CDH4: variants seen among roughly 807,000 people sequenced by gnomAD.
CDH4 encodes cadherin-4.
CDH4 carries 33 observed loss-of-function variants against 86.0 expected under a neutral mutation model. The observed-to-expected ratio is 0.38, with a 90% CI of 0.29 to 0.51. CDH4 has a LOEUF of 0.51. Ranked by LOEUF, CDH4 falls within the 20% of genes least tolerant of loss-of-function variation. The pLI, the probability that CDH4 is intolerant of heterozygous loss-of-function variation, is 0.86. For synonymous variants in CDH4, 555 were observed against 549.4 expected, an observed-to-expected ratio of 1.01 and a Z score of -0.14; for missense variants, 1,114 against 1,307.4, an observed-to-expected ratio of 0.85 and a Z score of 2.28.
At chr20:61,629,624 G>A (rs2427198) in intron 2 of CDH4, among the ~76,000 whole-genome samples, 89,347 of 152,138 alleles carry the variant, frequency 0.59, 26,407 homozygotes, top group East Asian at 0.72. Context: ...AAACCTGTTA[G>A]TAATGATCAC....
intron 2 of CDH4, among the ~76,000 whole-genome samples, chr20:61,629,139 G>A (rs770766024): frequency 1.4e-4 from 21 of 152,240 alleles, no homozygotes; most frequent in Admixed American, 5.9e-4. Flanking sequence ...TAGCTGCGCC[G>A]TGGAGAGCAG....
chr20:61,776,438 C>T (rs539230862), intron 4 of CDH4, among the ~76,000 whole-genome samples: 2 of 152,328 alleles, frequency 1.3e-5, no homozygotes, highest in Admixed American at 1.3e-4. Flanking sequence ...GGAAACCACC[C>T]CCAGCATCTC....
chr20:61,727,517 G>T (rs2088130480), intron 2 of CDH4, among the ~76,000 whole-genome samples: 1 of 152,184 alleles, frequency 6.6e-6, no homozygotes, highest in South Asian at 2.1e-4. Context: ...TTACTTTAAA[G>T]GACAACCTGA....
At chr20:61,436,655 T>C (rs1314166455) in intron 2 of CDH4, 4 of 152,300 alleles carry the variant, frequency 2.6e-5, no homozygotes, top group African/African-American at 7.2e-5. Context: ...AGGATTTTTA[T>C]TGTGTTTTGT....
chr20:61,568,094 G>T (rs1488357910), intron 2 of CDH4, among the ~76,000 whole-genome samples: 1 of 152,142 alleles, frequency 6.6e-6, no homozygotes, highest in Non-Finnish European at 1.5e-5. Flanking sequence ...GAAAAGCAAA[G>T]GTCTAGAGGC....
At chr20:61,905,005 A>G (rs983166792) in intron 8 of CDH4, among the ~76,000 whole-genome samples, 5 of 152,146 alleles carry the variant, frequency 3.3e-5, no homozygotes, top group Admixed American at 3.3e-4. Context: ...TCTGCCTCAG[A>G]GCTGGGATTG....
intron 2 of CDH4, among the ~76,000 whole-genome samples, chr20:61,413,799 C>T (rs1292038464): frequency 6.6e-6 from 1 of 152,190 alleles, no homozygotes; most frequent in Non-Finnish European, 1.5e-5. Context: ...TCCCCTGTGG[C>T]CAGCTCTCAT....
intron 6 of CDH4, 136 bp from the exon 7 acceptor site, chr20:61,873,592 C>T: frequency 1.2e-6 from 1 of 864,016 alleles, no homozygotes; most frequent in Admixed American, 2.3e-5. Flanking sequence ...CACCTCTGAA[C>T]ACGCCGAGAG....
At chr20:61,369,510 G>A (rs2123332600) in intron 2 of CDH4, among the ~76,000 whole-genome samples, 1 of 151,084 alleles carries the variant, frequency 6.6e-6, no homozygotes, top group South Asian at 2.1e-4. Context: ...GCAGAATCTG[G>A]GTTGGGTCTG....
intron 2 of CDH4, among the ~76,000 whole-genome samples, chr20:61,385,785 A>T (rs564279204): frequency 2.6e-5 from 4 of 151,676 alleles, no homozygotes; most frequent in Admixed American, 1.3e-4. Flanking sequence ...GAGAAGCCGT[A>T]CTCCCCTCCT....
At chr20:61,574,496 C>T (rs114693272) in intron 2 of CDH4, among the ~76,000 whole-genome samples, 2 of 152,238 alleles carry the variant, frequency 1.3e-5, no homozygotes, top group Non-Finnish European at 2.9e-5. Flanking sequence ...CCCCCACCCC[C>T]CTTTCTCCTT....
chr20:61,605,711 T>C (rs1006639644), intron 2 of CDH4, among the ~76,000 whole-genome samples: 2 of 152,074 alleles, frequency 1.3e-5, no homozygotes, highest in African/African-American at 4.8e-5. Flanking sequence ...CCAACCCTGC[T>C]TTTCCTCTGT....
At chr20:61,524,027 T>C (rs989374157) in intron 2 of CDH4, among the ~76,000 whole-genome samples, 1 of 152,212 alleles carries the variant, frequency 6.6e-6, no homozygotes, top group East Asian at 1.9e-4. Flanking sequence ...TTGTGAACTG[T>C]AGGGCTTCCC....
intron 2 of CDH4, among the ~76,000 whole-genome samples, chr20:61,629,463 C>G (rs536842955): frequency 6.6e-6 from 1 of 152,308 alleles, no homozygotes; most frequent in South Asian, 2.1e-4. Context: ...CAAAAATGAG[C>G]TGTAATCAAA....
At chr20:61,857,758 C>T (rs1983084640) in intron 6 of CDH4, among the ~76,000 whole-genome samples, 2 of 152,272 alleles carry the variant, frequency 1.3e-5, no homozygotes, top group Admixed American at 1.3e-4. Flanking sequence ...AGCCCTTCAG[C>T]CAGCCTCCCC....
At chr20:61,643,758 C>A (rs559098827) in intron 2 of CDH4, among the ~76,000 whole-genome samples, 7 of 152,378 alleles carry the variant, frequency 4.6e-5, no homozygotes, top group African/African-American at 1.7e-4. Context: ...CAGATCCTCA[C>A]GGTTTTCTGT....
chr20:61,659,922 G>A (rs180955812), intron 2 of CDH4, among the ~76,000 whole-genome samples: 16 of 152,304 alleles, frequency 1.1e-4, no homozygotes, highest in East Asian at 1.9e-4. Flanking sequence ...TGTCCCCACC[G>A]TGTCTCCTGG....
intron 2 of CDH4, among the ~76,000 whole-genome samples, chr20:61,610,264 G>A (rs2086674811): frequency 6.6e-6 from 1 of 152,174 alleles, no homozygotes; most frequent in South Asian, 2.1e-4. Context: ...TTGTCTTTCA[G>A]TGATTGGCTT....
chr20:61,283,578 G>A lies in CDH4; in HGVS notation c.169+28641G>A, dbSNP rs557418526. 3.2e-4 allele frequency among the ~76,000 whole-genome samples: 47 copies of A among 146,496 alleles called. 1 individual carries two copies. In the East Asian group the frequency reaches 5.6e-3, roughly 17 times the overall value. On this transcript the variant is annotated intron_variant, in intron 2 of 15. Coordinates refer to ENST00000614565, the MANE Select transcript of CDH4 (RefSeq NM_001794.5). ...GTGTGTGATGTAGGTGCATTTGCAC[G>A]TGTGTGCTGTGGTGTGTGTGATGTG...
Sources: gnomAD v4.1 joint callset for allele counts (sites outside exome capture counted in the v4.1 genomes callset) on GRCh38, gnomAD v4.1.1 for gene constraint, MANE v1.5 for transcripts, NCBI Gene and HGNC (gene_info 2026-07-23, HGNC 2026-07-21) for gene names.